The following LRRK1 variants were observed in gnomAD, a reference collection of about 807,000 sequenced individuals.
LRRK1 encodes the protein leucine rich repeat kinase 1.
Under a neutral mutation model 209.1 loss-of-function variants are expected in LRRK1, and 113 were observed. That is an observed-to-expected ratio of 0.54 (90% CI 0.46 to 0.63). The LOEUF (loss-of-function observed/expected upper bound fraction) is 0.63, where lower values mean the gene tolerates loss of function less well. Among genes scored for constraint, LRRK1 ranks in the 30% least tolerant of loss-of-function variants. The pLI, the probability that LRRK1 is intolerant of heterozygous loss-of-function variation, is 0.00. For synonymous variants in LRRK1, 1,144 were observed against 1,099.7 expected (o/e 1.04, Z -0.80); for missense variants, 2,284 against 2,632.2 (o/e 0.87, Z 2.89).
rs995308439 is a variant in LRRK1, at chr15:101,024,110, C to T, written c.2068-693C>T. Among the ~76,000 whole-genome samples, 7 of 152,298 alleles carry T rather than the reference C, an allele frequency of 4.6e-5. No homozygotes were observed. The highest frequency in any genetic ancestry group is 1.4e-4 in the African/African-American group (6 of 41,570). On this transcript the variant is annotated intron_variant, in intron 15 of 33. Coordinates refer to ENST00000388948, the MANE Select transcript of LRRK1 (RefSeq NM_024652.6). The surrounding 1 kb of genome is among the most constrained non-coding windows in gnomAD (Gnocchi z 4.6). The stretch of plus-strand genomic sequence containing the variant: ...AAGGACAATCCTGTGAAGGCTGAGC[C>T]CGCCGCTCTCTCTGTGGCCGGCCTC...
At chr15:101,063,530 C>T (rs1204174895) in intron 31 of LRRK1, among the ~76,000 whole-genome samples, 1 of 152,200 alleles carries the variant, frequency 6.6e-6, no homozygotes, top group African/African-American at 2.4e-5. Flanking sequence ...GATTCAGGCA[C>T]GGCTCAGCCA....
At chr15:101,054,188 C>T (rs534447591) in intron 26 of LRRK1, among the ~76,000 whole-genome samples, 1 of 152,148 alleles carries the variant, frequency 6.6e-6, no homozygotes, top group Non-Finnish European at 1.5e-5. Context: ...TTGCCCAGGT[C>T]GTTCTCGAAC....
Position 101,012,204 on chromosome 15 carries a change from T to C in LRRK1, c.1419+59T>C, listed in dbSNP as rs2033286303. ...GCTTTTGAGAGAAAATTGCTCCGTGTTGCAGTGAAATGTATGTGCTTTTCC... is the reference window on the plus strand; with the variant it reads ...GCTTTTGAGAGAAAATTGCTCCGTGCTGCAGTGAAATGTATGTGCTTTTCC... On this transcript the variant is annotated intron_variant, in intron 10 of 33. Transcript: ENST00000388948. The C allele has an allele frequency of 1.3e-5, 19 of 1,433,870 alleles. No individual in the cohort carries two copies. The South Asian group carries it at 2.5e-4, about 19-fold the overall frequency. The allele number at this position is 1,433,870 out of a possible 1,614,324, so 88.8% of individuals were successfully genotyped here.
At chr15:100,941,410 CT>C (rs1567190993) in intron 2 of LRRK1, among the ~76,000 whole-genome samples, 1 of 14,452 alleles carries the variant, frequency 6.9e-5, no homozygotes, top group African/African-American at 2.6e-4. Flanking sequence ...CTGTGTGTGT[CT>C]CTGTGTGTGT....
chr15:101,012,649 C>T (rs1158403698), intron 10 of LRRK1, among the ~76,000 whole-genome samples: 1 of 5,320 alleles, frequency 1.9e-4, no homozygotes, highest in African/African-American at 2.0e-4. Context: ...AGTGCCCAGG[C>T]CACCCTGCAC....
intron 31 of LRRK1, chr15:101,065,030 C>T (rs1044666720): frequency 2.0e-5 from 8 of 391,572 alleles, no homozygotes; most frequent in Admixed American, 4.3e-5. Flanking sequence ...CCCTGCTGCT[C>T]GCCCTGCAAG....
intron 20 of LRRK1, among the ~76,000 whole-genome samples, chr15:101,030,541 C>T (rs187079523): frequency 1.3e-5 from 2 of 152,268 alleles, no homozygotes; most frequent in African/African-American, 4.8e-5. Context: ...CTTCTCTCCT[C>T]TGCTGTGTGG....
intron 20 of LRRK1, among the ~76,000 whole-genome samples, chr15:101,043,029 A>G (rs1241825800): frequency 6.6e-6 from 1 of 152,212 alleles, no homozygotes. Flanking sequence ...ACTAGTTTCC[A>G]TATCAGCCGC....
At chr15:101,066,257 T>G in intron 32 of LRRK1, 52 bp downstream of exon 32, 1 of 1,549,052 alleles carries the variant, frequency 6.5e-7, no homozygotes, top group East Asian at 2.3e-5. Context: ...CTGCTCCTGC[T>G]CTGGGGACAG....
chr15:100,951,452 G>A (rs1220709065), intron 2 of LRRK1, among the ~76,000 whole-genome samples: 1 of 152,136 alleles, frequency 6.6e-6, no homozygotes, highest in Non-Finnish European at 1.5e-5. Context: ...ATATACACAA[G>A]AGAACTGAGG....
chr15:101,020,963 G>T, intron 12 of LRRK1, 90 bp from the exon 13 acceptor site: 1 of 1,458,588 alleles, frequency 6.9e-7, no homozygotes, highest in Non-Finnish European at 9.5e-7. Context: ...CCCTCTGGAG[G>T]TTGCATCAGT....
chr15:100,957,637 G>C (rs1267752820), intron 2 of LRRK1, among the ~76,000 whole-genome samples: 2 of 152,126 alleles, frequency 1.3e-5, no homozygotes, highest in African/African-American at 4.8e-5. Flanking sequence ...GGTTTCATTT[G>C]CATGAAATAT....
Position 101,056,419 on chromosome 15 carries a change from GGATGGATC to G in LRRK1, c.4333-429_4333-422del, listed in dbSNP as rs200473436. On this transcript the variant is annotated intron_variant, in intron 27 of 33. Coordinates refer to ENST00000388948, the MANE Select transcript of LRRK1 (RefSeq NM_024652.6). Reference sequence around the variant, plus strand: ...TCTCAGTGTGTTTTATTGGATGGAAGGATGGATCGATGGATAGATGGATGGATGGGACA... The same window carrying G: ...TCTCAGTGTGTTTTATTGGATGGAAGGATGGATAGATGGATGGATGGGACA... Among the ~76,000 whole-genome samples, 990 of 152,302 alleles carry G rather than the reference GGATGGATC, an allele frequency of 6.5e-3. 26 individuals carry two copies. The highest frequency in any genetic ancestry group is 0.058 in the Admixed American group (882 of 15,292).
chr15:100,964,716 C>T (rs543433076), intron 2 of LRRK1, among the ~76,000 whole-genome samples: 1 of 152,328 alleles, frequency 6.6e-6, no homozygotes, highest in East Asian at 1.9e-4. Context: ...ATGTCACACA[C>T]TTCAGATTGA....
chr15:101,070,731 TAC>T lies in LRRK1; in HGVS notation c.*1885_*1886del, dbSNP rs1183174178. The T allele has an allele frequency of 6.6e-6, 1 of 151,424 alleles. No homozygotes were observed. Among genetic ancestry groups the T allele is most frequent in the African/African-American group, 2.4e-5 (1 of 41,102 alleles). The allele number at this position is 151,424 out of a possible 1,614,324, so 9.4% of individuals were successfully genotyped here. ...ACCCTTGAGCCTGGGAGTTGGAGGT[TAC>T]AGTGAGCTATGATCACACCAGCTTT... On this transcript the variant is annotated 3_prime_UTR_variant, in exon 34 of 34. Transcript: ENST00000388948.
intron 3 of LRRK1, among the ~76,000 whole-genome samples, chr15:100,980,647 C>G (rs1022899800): frequency 2.0e-5 from 3 of 152,124 alleles, no homozygotes; most frequent in Non-Finnish European, 4.4e-5. Context: ...AGGGTTTTCT[C>G]AGTACTATCT....
chr15:100,992,687 A>C (rs907166820), intron 6 of LRRK1, among the ~76,000 whole-genome samples: 2 of 151,808 alleles, frequency 1.3e-5, no homozygotes, highest in African/African-American at 4.8e-5. Context: ...TTGTTTTTTG[A>C]GATGGAGTTT....
At chr15:100,921,007 G>A (rs939989885) in intron 1 of LRRK1, among the ~76,000 whole-genome samples, 1 of 152,016 alleles carries the variant, frequency 6.6e-6, no homozygotes, top group Non-Finnish European at 1.5e-5. Flanking sequence ...GTCTTCCCTG[G>A]TCACCCTCTG....
rs145023679 is a variant in LRRK1, at chr15:101,041,537, G to A, written c.2964-4444G>A. Among the ~76,000 whole-genome samples, 418 of 152,102 alleles carry A rather than the reference G, an allele frequency of 2.7e-3. 2 individuals are homozygous for A. The highest frequency in any genetic ancestry group is 8.5e-3 in the African/African-American group (352 of 41,482). On this transcript the variant is annotated intron_variant, in intron 20 of 33. Coordinates refer to ENST00000388948, the MANE Select transcript of LRRK1 (RefSeq NM_024652.6). ...CCATTCTTCCTGGTACTGTGTTTTA[G>A]TGGTTACTCTTGGGATTAGAATATG...
Sources: gnomAD v4.1 joint callset for allele counts (sites outside exome capture counted in the v4.1 genomes callset) on GRCh38, gnomAD v4.1.1 for gene constraint, Gnocchi (gnomAD v3.1) non-coding constraint, MANE v1.5 for transcripts, NCBI Gene and HGNC (gene_info 2026-07-23, HGNC 2026-07-21) for gene names.